USP50: variants seen among roughly 807,000 people sequenced by gnomAD.
USP50 encodes the protein ubiquitin specific peptidase 50.
In USP50, 37 loss-of-function variants were observed where a neutral mutation model predicts 39.2. The ratio of observed to expected loss-of-function variants is 0.94; its 90% CI spans 0.73 to 1.24. USP50 has a LOEUF of 1.24. Ranked by LOEUF, USP50 falls within the 50% of genes most tolerant of loss-of-function variation. The probability of loss-of-function intolerance (pLI) is 0.00; values close to 1 mark genes in which losing one functional copy is unlikely to be tolerated. For synonymous variants in USP50, 139 were observed against 144.5 expected, an observed-to-expected ratio of 0.96 and a Z score of 0.27; for missense variants, 374 against 398.2, an observed-to-expected ratio of 0.94 and a Z score of 0.52.
At chr15:50,508,694 A>C (rs2052696093) in intron 6 of USP50, 1 of 152,188 alleles carries the variant, frequency 6.6e-6, no homozygotes, top group Non-Finnish European at 1.5e-5. Flanking sequence ...TTGGTGTTTT[A>C]AGACAAAATA....
downstream of USP50, chr15:50,499,960 ATGATTGCAAAG>A (rs1167689230): frequency 6.6e-6 from 1 of 152,194 alleles, no homozygotes; most frequent in Non-Finnish European, 1.5e-5. Context: ...GGAGTCAGGC[ATGATTGCAAAG>A]TGAACTGCAT....
At chr15:50,500,534 C>T, downstream of USP50, 2 of 443,994 alleles carry the variant, frequency 4.5e-6, no homozygotes, top group South Asian at 5.5e-5. Flanking sequence ...AACATGCCCA[C>T]AAGGCATAAA....
rs61746181 is a variant in USP50 at position 50,541,126 on chromosome 15, C to G, written c.583G>C (p.Glu195Gln). ...ACTTCGTTCTTGTAGGTGCATTTCT[C>G]ACACTTTAAACATACGATGCTATAA... ...LNYSIVCLKC[E>Q]KCTYKNEVFT... Residue 195 changes from glutamate to glutamine, a missense_variant, in exon 4 of 7, where the codon GAG becomes CAG. Coordinates refer to ENST00000532404, the MANE Select transcript of USP50 (RefSeq NM_203494.5). 4 of 1,613,872 alleles carry G rather than the reference C, an allele frequency of 2.5e-6. No homozygotes were observed. In the African/African-American group the frequency reaches 4.0e-5, roughly 16 times the overall value.
chr15:50,525,466 G>GTGTA lies in USP50; in HGVS notation c.936+4330_936+4331insTACA, dbSNP rs772949915. Reference sequence around the variant, plus strand: ...GCTTGATTTAATCATTCCACATTTTGTGTGTGTGTGTGTGTATATATATGT... The same window carrying GTGTA: ...GCTTGATTTAATCATTCCACATTTTGTGTATGTGTGTGTGTGTGTATATATATGT... On this transcript the variant is annotated intron_variant, in intron 6 of 6. Transcript: ENST00000532404. Among the ~76,000 whole-genome samples the GTGTA allele has an allele frequency of 1.8e-4, 17 of 95,216 alleles. No homozygotes were observed. The East Asian group carries it at 3.0e-3, about 17-fold the overall frequency. 62.5% of individuals were successfully genotyped at this position (95,216 alleles called of 152,430 possible).
chr15:50,534,128 T>G (rs993515905), intron 5 of USP50, among the ~76,000 whole-genome samples: 1 of 152,232 alleles, frequency 6.6e-6, no homozygotes, highest in Non-Finnish European at 1.5e-5. Context: ...TTATTTTTCT[T>G]ATTATTAATA....
downstream of USP50, chr15:50,498,824 T>G (rs1257138314): frequency 2.6e-6 from 4 of 1,549,566 alleles, no homozygotes; most frequent in African/African-American, 5.5e-5. Flanking sequence ...AAGAACAACA[T>G]AAAGCTTTGA....
At chr15:50,519,771 A>T (rs546471175) in intron 6 of USP50, among the ~76,000 whole-genome samples, 1 of 152,118 alleles carries the variant, frequency 6.6e-6, no homozygotes, top group Non-Finnish European at 1.5e-5. Flanking sequence ...ATGCAAAAAG[A>T]TGAAAAATAA....
chr15:50,497,060 AG>A (rs1451021863), downstream of USP50: 4 of 1,578,832 alleles, frequency 2.5e-6, no homozygotes, highest in Non-Finnish European at 3.4e-6. Context: ...CGAATTAACG[AG>A]TATCTGCTAC....
rs547719347 is a variant in USP50 at position 50,530,602 on chromosome 15, A to T, written c.804-673T>A. ...CCTTTCCAAAAATAAAAAATAAAAA[A>T]AAAAAGTAATTTCCTGGAAAGATTA... On this transcript the variant is annotated intron_variant, in intron 5 of 6. Coordinates refer to ENST00000532404, the MANE Select transcript of USP50 (RefSeq NM_203494.5). Among the ~76,000 whole-genome samples the T allele has an allele frequency of 1.3e-4, 20 of 152,302 alleles. No homozygotes were observed. The East Asian group carries it at 1.4e-3, about 10-fold the overall frequency.
chr15:50,544,537 T>TG (rs35256664), intron 2 of USP50, 50 bp downstream of exon 2: 2 of 1,526,070 alleles, frequency 1.3e-6, no homozygotes, highest in African/African-American at 2.9e-5. Context: ...ACCTCATCTG[T>TG]GGGGAAGTGG....
chr15:50,526,535 A>G (rs1304941909), intron 6 of USP50, among the ~76,000 whole-genome samples: 1 of 152,228 alleles, frequency 6.6e-6, no homozygotes, highest in Non-Finnish European at 1.5e-5. Flanking sequence ...AAATATTTGA[A>G]GGAACATGTA....
intron 6 of USP50, among the ~76,000 whole-genome samples, chr15:50,518,314 G>T (rs888470577): frequency 2.0e-5 from 3 of 151,154 alleles, no homozygotes; most frequent in Middle Eastern, 6.8e-3. Context: ...TCCGTCTCCT[G>T]GGTTCACACC....
chr15:50,495,486 A>G (rs3784300), intron 1 of USP50, among the ~76,000 whole-genome samples: 32,605 of 104,198 alleles, frequency 0.31, 4,169 homozygotes, highest in East Asian at 0.55. Context: ...TAGAGATTGG[A>G]GGGGGGGGTC....
intron 6 of USP50, among the ~76,000 whole-genome samples, chr15:50,523,196 T>G (rs952455205): frequency 2.1e-5 from 3 of 145,368 alleles, no homozygotes; most frequent in Non-Finnish European, 4.5e-5. Flanking sequence ...TTTTTTTTGG[T>G]GAGACAGGGT....
chr15:50,526,101 T>G (rs2052896731), intron 6 of USP50, among the ~76,000 whole-genome samples: 1 of 152,138 alleles, frequency 6.6e-6, no homozygotes, highest in South Asian at 2.1e-4. Flanking sequence ...CTCTGTTGCT[T>G]AGGCCGGAGC....
At chr15:50,510,463 A>C (rs2052721656) in intron 6 of USP50, 1 of 152,156 alleles carries the variant, frequency 6.6e-6, no homozygotes, top group African/African-American at 2.4e-5. Flanking sequence ...CTTTGAAAAA[A>C]AATGCTACTA....
chr15:50,500,918 G>T, intron 6 of USP50, 81 bp from the exon 7 acceptor site: 2 of 1,179,922 alleles, frequency 1.7e-6, no homozygotes, highest in South Asian at 1.3e-5. Context: ...GCCAAGAGAT[G>T]CTTTTTAAAT....
downstream of USP50, chr15:50,497,065 C>G (rs1369734064): frequency 6.3e-7 from 1 of 1,585,180 alleles, no homozygotes; most frequent in Non-Finnish European, 8.6e-7. Flanking sequence ...TAACGAGTAT[C>G]TGCTACTTGT....
chr15:50,505,337 C>T (rs984173786), intron 6 of USP50: 5 of 152,100 alleles, frequency 3.3e-5, no homozygotes, highest in Admixed American at 6.5e-5. Flanking sequence ...TAGAAGTTCT[C>T]CATAGCAGCC....
Sources: allele counts gnomAD v4.1 joint callset (sites outside exome capture counted in the v4.1 genomes callset), GRCh38; gene constraint gnomAD v4.1.1; transcripts MANE v1.5; gene names NCBI Gene and HGNC (gene_info 2026-07-23, HGNC 2026-07-21).